RMDN2: variants seen among roughly 807,000 people sequenced by gnomAD.
RMDN2 encodes the protein regulator of microtubule dynamics protein 2.
RMDN2 carries 61 observed loss-of-function variants against 52.8 expected under a neutral mutation model. The observed-to-expected ratio is 1.16, with a 90% CI of 0.94 to 1.43. The LOEUF (loss-of-function observed/expected upper bound fraction) is 1.43, where lower values mean the gene tolerates loss of function less well. Among genes scored for constraint, RMDN2 ranks in the 40% most tolerant of loss-of-function variants. The pLI, the probability that RMDN2 is intolerant of heterozygous loss-of-function variation, is 0.00. For synonymous variants in RMDN2, 180 were observed against 153.1 expected (o/e 1.18, Z -1.30); for missense variants, 592 against 475.3 (o/e 1.25, Z -2.28).
chr2:37,921,402 T>C (rs1276461735), upstream of RMDN2, among the ~76,000 whole-genome samples: 1 of 152,232 alleles, frequency 6.6e-6, no homozygotes, highest in African/African-American at 2.4e-5. Flanking sequence ...AGACATAGTA[T>C]TATATTCCTC....
At chr2:37,928,467 A>C (rs1666462168) in intron 1 of RMDN2, among the ~76,000 whole-genome samples, 1 of 152,186 alleles carries the variant, frequency 6.6e-6, no homozygotes, top group African/African-American at 2.4e-5. Context: ...ATACAACCTA[A>C]TTCAGAATTT....
At chr2:38,001,517 G>A (rs1676320234) in intron 8 of RMDN2, among the ~76,000 whole-genome samples, 1 of 152,130 alleles carries the variant, frequency 6.6e-6, no homozygotes, top group Non-Finnish European at 1.5e-5. Context: ...TTTAAACCAT[G>A]AGAACAAAAA....
intron 7 of RMDN2, 88 bp downstream of exon 7, chr2:37,991,385 C>G (rs1674769433): frequency 1.8e-6 from 1 of 546,198 alleles, no homozygotes; most frequent in Non-Finnish European, 3.0e-6. Context: ...TTTATTTTTA[C>G]CCAGTGCCTA....
intron 2 of RMDN2, among the ~76,000 whole-genome samples, chr2:37,957,926 G>A (rs1274514787): frequency 6.6e-6 from 1 of 152,028 alleles, no homozygotes; most frequent in African/African-American, 2.4e-5. Context: ...GCTTGTTTTT[G>A]TCAGGTTTGT....
intron 5 of RMDN2, among the ~76,000 whole-genome samples, chr2:37,985,929 A>G (rs913102554): frequency 6.6e-6 from 1 of 152,186 alleles, no homozygotes; most frequent in Non-Finnish European, 1.5e-5. Flanking sequence ...TCAATATTGT[A>G]TATCAATATT....
At chr2:38,020,971 C>T (rs1679322568), downstream of RMDN2, among the ~76,000 whole-genome samples, 2 of 152,220 alleles carry the variant, frequency 1.3e-5, no homozygotes, top group African/African-American at 4.8e-5. Context: ...ATCTGGGCTC[C>T]TGAGTCTGGT....
intron 2 of RMDN2, among the ~76,000 whole-genome samples, chr2:37,965,069 T>G (rs1027324206): frequency 3.9e-5 from 6 of 152,148 alleles, no homozygotes; most frequent in African/African-American, 1.4e-4. Context: ...TTTACTGTTT[T>G]CATGAAATAT....
chr2:37,995,761 T>G (rs1441280123), intron 7 of RMDN2, among the ~76,000 whole-genome samples: 3 of 152,212 alleles, frequency 2.0e-5, no homozygotes. Context: ...CTTAATACAT[T>G]TCAAAGAACT....
At chr2:38,045,882 C>A (rs896496922) in intron 10 of RMDN2, among the ~76,000 whole-genome samples, 3 of 152,114 alleles carry the variant, frequency 2.0e-5, no homozygotes, top group African/African-American at 4.8e-5. Context: ...CAAGTGTTGC[C>A]GTAAATTGTG....
chr2:37,974,304 T>C (rs1381028241), intron 3 of RMDN2, 90 bp downstream of exon 3: 1 of 801,312 alleles, frequency 1.2e-6, no homozygotes, highest in Non-Finnish European at 1.8e-6. Context: ...AATTGTGTCA[T>C]GGTTCCCACA....
chr2:37,959,244 T>C (rs891959304), intron 2 of RMDN2, among the ~76,000 whole-genome samples: 10 of 151,062 alleles, frequency 6.6e-5, no homozygotes, highest in African/African-American at 2.2e-4. Context: ...CTCCTCTTTG[T>C]ACCTCTGGTA....
At chr2:38,046,015 G>A (rs1681252022) in intron 10 of RMDN2, among the ~76,000 whole-genome samples, 1 of 152,156 alleles carries the variant, frequency 6.6e-6, no homozygotes, top group Non-Finnish European at 1.5e-5. Context: ...CAGGGAATGA[G>A]GTCGCCATTG....
At chr2:37,967,539 T>C (rs1671225118) in intron 2 of RMDN2, among the ~76,000 whole-genome samples, 1 of 152,214 alleles carries the variant, frequency 6.6e-6, no homozygotes, top group Non-Finnish European at 1.5e-5. Flanking sequence ...ATGCTCAAGG[T>C]ATTTTGCTTG....
intron 10 of RMDN2, among the ~76,000 whole-genome samples, chr2:38,045,646 A>AT (rs66831312): frequency 0.29 from 44,337 of 152,092 alleles, 8,021 homozygotes; most frequent in South Asian, 0.49. Context: ...ACATAAAAAA[A>AT]TTAAGAAGCA....
At chr2:37,939,916 C>T (rs1307687491) in intron 2 of RMDN2, among the ~76,000 whole-genome samples, 1 of 152,102 alleles carries the variant, frequency 6.6e-6, no homozygotes, top group East Asian at 1.9e-4. Context: ...GAATTTGATC[C>T]TGTCCTTATG....
chr2:38,059,952 C>T (rs1174658751), intron 10 of RMDN2, among the ~76,000 whole-genome samples: 1 of 152,064 alleles, frequency 6.6e-6, no homozygotes, highest in East Asian at 1.9e-4. Context: ...GGCTGGAGTG[C>T]AGTGACTCGA....
intron 10 of RMDN2, among the ~76,000 whole-genome samples, chr2:38,010,691 C>T (rs960932990): frequency 6.6e-6 from 1 of 152,198 alleles, no homozygotes; most frequent in Non-Finnish European, 1.5e-5. Flanking sequence ...AGCTTCGGCT[C>T]ATGCTCGGTG....
At chr2:38,032,671 T>G (rs867061785) in intron 10 of RMDN2, among the ~76,000 whole-genome samples, 2 of 152,014 alleles carry the variant, frequency 1.3e-5, no homozygotes, top group African/African-American at 4.8e-5. Flanking sequence ...GAAACCCCGT[T>G]TCTACAAAAA....
intron 8 of RMDN2, among the ~76,000 whole-genome samples, chr2:38,000,638 C>G (rs1676190460): frequency 6.6e-6 from 1 of 152,176 alleles, no homozygotes; most frequent in Admixed American, 6.5e-5. Flanking sequence ...ACTCAGCATA[C>G]TGTTTTGAGA....
Sources: gnomAD v4.1 joint callset for allele counts (sites outside exome capture counted in the v4.1 genomes callset) on GRCh38, gnomAD v4.1.1 for gene constraint, MANE v1.5 for transcripts, NCBI Gene and HGNC (gene_info 2026-07-23, HGNC 2026-07-21) for gene names.